TMEM74: variants seen among roughly 807,000 people sequenced by gnomAD.
The protein encoded by TMEM74 is transmembrane protein 74.
Under a neutral mutation model 18.1 loss-of-function variants are expected in TMEM74, and 13 were observed. That is an observed-to-expected ratio of 0.72 (90% CI 0.47 to 1.14). The LOEUF (loss-of-function observed/expected upper bound fraction) is 1.14, where lower values mean the gene tolerates loss of function less well. Among genes scored for constraint, TMEM74 ranks in the 50% most tolerant of loss-of-function variants. The pLI is 0.00. For synonymous variants in TMEM74, 159 were observed against 146.6 expected, an observed-to-expected ratio of 1.08 and a Z score of -0.61; for missense variants, 372 against 375.9, an observed-to-expected ratio of 0.99 and a Z score of 0.09.
In TMEM74 at chr8:108,690,557, T is replaced by C. The variant is rs552478318; in HGVS notation, n.120-35120A>G. On this transcript the variant is annotated intron_variant and non_coding_transcript_variant, in intron 1 of 3. Coordinates refer to the TMEM74 transcript ENST00000518838. ...CAGAAAGTGAGCGGTGGCTCAAGCC[T>C]GTAATCCCAGCACTTTGGGAGGCCG... Among the ~76,000 whole-genome samples the C allele has an allele frequency of 3.3e-5, 5 of 152,134 alleles. No homozygotes were observed. In the East Asian group the frequency reaches 9.7e-4, roughly 29 times the overall value.
chr8:108,629,890 A>T (rs773160998), intron 2 of TMEM74, among the ~76,000 whole-genome samples: 15 of 152,052 alleles, frequency 9.9e-5, no homozygotes, highest in South Asian at 4.1e-4. Flanking sequence ...ACACCAAAAT[A>T]TAAAAACCAA....
intron 2 of TMEM74, among the ~76,000 whole-genome samples, chr8:108,640,660 A>G (rs1812656994): frequency 6.6e-6 from 1 of 152,108 alleles, no homozygotes; most frequent in East Asian, 1.9e-4. Context: ...AAAAAAAATC[A>G]CAGTAATATC....
chr8:108,613,379 C>G (rs1417796096), intron 2 of TMEM74, among the ~76,000 whole-genome samples: 1 of 152,232 alleles, frequency 6.6e-6, no homozygotes, highest in Non-Finnish European at 1.5e-5. Context: ...ATGAAGCTCC[C>G]CATGTGTGCC....
At chr8:108,638,285 T>C (rs560208311) in intron 2 of TMEM74, among the ~76,000 whole-genome samples, 2 of 151,216 alleles carry the variant, frequency 1.3e-5, no homozygotes, top group South Asian at 4.2e-4. Context: ...TTGTACATAC[T>C]TTTCCACCTC....
At chr8:108,628,877 T>C (rs1413066856) in intron 2 of TMEM74, among the ~76,000 whole-genome samples, 2 of 152,158 alleles carry the variant, frequency 1.3e-5, no homozygotes, top group African/African-American at 4.8e-5. Flanking sequence ...ATTTCTCTAA[T>C]GACCAGTGAT....
At chr8:108,647,640 G>A (rs1430401803) in intron 2 of TMEM74, among the ~76,000 whole-genome samples, 1 of 152,050 alleles carries the variant, frequency 6.6e-6, no homozygotes, top group Non-Finnish European at 1.5e-5. Context: ...AGAGTTTATA[G>A]AATATTTCTT....
intron 2 of TMEM74, among the ~76,000 whole-genome samples, chr8:108,614,467 G>C (rs1215450193): frequency 6.6e-6 from 1 of 152,144 alleles, no homozygotes; most frequent in Non-Finnish European, 1.5e-5. Context: ...GCAAAGACAA[G>C]AAAGCAAGAT....
At chr8:108,734,092 C>A (rs1020044619) in intron 1 of TMEM74, among the ~76,000 whole-genome samples, 2 of 152,202 alleles carry the variant, frequency 1.3e-5, no homozygotes, top group East Asian at 3.9e-4. Flanking sequence ...GAGTCAGAAG[C>A]CTGAGTGAGG....
At chr8:108,685,826 A>G (rs1813162108) in intron 1 of TMEM74, among the ~76,000 whole-genome samples, 2 of 152,200 alleles carry the variant, frequency 1.3e-5, no homozygotes. Flanking sequence ...TCTATTAACA[A>G]TAAAATTTTA....
intron 2 of TMEM74, among the ~76,000 whole-genome samples, chr8:108,622,304 C>G (rs1042407945): frequency 6.6e-6 from 1 of 152,032 alleles, no homozygotes; most frequent in Non-Finnish European, 1.5e-5. Flanking sequence ...CTTACCAAGC[C>G]TATAGGGTAG....
intron 1 of TMEM74, among the ~76,000 whole-genome samples, chr8:108,757,768 G>A (rs1209101146): frequency 6.6e-6 from 1 of 151,892 alleles, no homozygotes; most frequent in Non-Finnish European, 1.5e-5. Flanking sequence ...CTTCTTCAAT[G>A]AAGTCTTCTT....
At chr8:108,760,835 A>G (rs1310469014) in intron 1 of TMEM74, among the ~76,000 whole-genome samples, 1 of 151,880 alleles carries the variant, frequency 6.6e-6, no homozygotes, top group Non-Finnish European at 1.5e-5. Context: ...ACTGAAGCCA[A>G]TCTGCCAGGC....
At chr8:108,771,917 G>A (rs984458007) in intron 1 of TMEM74, among the ~76,000 whole-genome samples, 7 of 151,880 alleles carry the variant, frequency 4.6e-5, no homozygotes, top group Non-Finnish European at 1.0e-4. Context: ...CTGATGCTCC[G>A]AAAAGTAACG....
intron 1 of TMEM74, among the ~76,000 whole-genome samples, chr8:108,720,791 C>T (rs747646704): frequency 6.6e-6 from 1 of 151,934 alleles, no homozygotes; most frequent in Non-Finnish European, 1.5e-5. Context: ...TAGTTCAAGA[C>T]GGAGTCTTGC....
At chr8:108,702,797 C>G (rs1813350494) in intron 1 of TMEM74, among the ~76,000 whole-genome samples, 1 of 136,076 alleles carries the variant, frequency 7.3e-6, no homozygotes, top group South Asian at 2.6e-4. Flanking sequence ...TTTTTAGATA[C>G]TATATCAAAA....
chr8:108,667,700 T>A (rs1812962812), intron 1 of TMEM74, among the ~76,000 whole-genome samples: 1 of 152,148 alleles, frequency 6.6e-6, no homozygotes. Flanking sequence ...TCATCATTTC[T>A]CCTTTGTCTG....
chr8:108,778,440 G>A (rs1453507320), downstream of TMEM74, among the ~76,000 whole-genome samples: 1 of 152,164 alleles, frequency 6.6e-6, no homozygotes, highest in African/African-American at 2.4e-5. Context: ...AAATGTAACA[G>A]CATCACTTAG....
chr8:108,748,224 C>G (rs553203444), intron 1 of TMEM74, among the ~76,000 whole-genome samples: 4 of 152,054 alleles, frequency 2.6e-5, no homozygotes, highest in Non-Finnish European at 4.4e-5. Flanking sequence ...CACTAAGCAC[C>G]TGTTGTTTAT....
intron 2 of TMEM74, among the ~76,000 whole-genome samples, chr8:108,617,494 C>T (rs1178280674): frequency 6.6e-6 from 1 of 152,084 alleles, no homozygotes; most frequent in East Asian, 1.9e-4. Context: ...AAGGGGACCT[C>T]CTGTCCATTT....
Sources: allele counts gnomAD v4.1 joint callset (sites outside exome capture counted in the v4.1 genomes callset), GRCh38; gene constraint gnomAD v4.1.1; transcripts MANE v1.5; gene names NCBI Gene and HGNC (gene_info 2026-07-23, HGNC 2026-07-21).